The following LRRC56 variants were observed in gnomAD, a reference collection of about 807,000 sequenced individuals.
The protein encoded by LRRC56 is leucine rich repeat containing 56, also known as leucine-rich repeat-containing protein 56.
Under a neutral mutation model 47.8 loss-of-function variants are expected in LRRC56, and 41 were observed. That is an observed-to-expected ratio of 0.86 (90% CI 0.67 to 1.11). LRRC56 has a LOEUF of 1.11. Ranked by LOEUF, LRRC56 falls within the 50% of genes most tolerant of loss-of-function variation. LRRC56 has a pLI of 0.00. For missense variants in LRRC56, 759 were observed against 704.2 expected (o/e 1.08, Z -0.88); for synonymous variants, 387 against 311.2 (o/e 1.24, Z -2.56).
the LRRC56 span, among the ~76,000 whole-genome samples, chr11:523,112 T>A: frequency 1.3e-5 from 2 of 152,000 alleles, no homozygotes; most frequent in Non-Finnish European, 2.9e-5. Flanking sequence ...CACTGCAGCC[T>A]CCACCTCCCA....
intron 1 of LRRC56, 29 bp downstream of exon 1, chr11:537,634 G>A (rs1851580318): frequency 6.6e-6 from 1 of 152,242 alleles, no homozygotes; most frequent in Non-Finnish European, 1.5e-5. Context: ...CTTGGGGTGG[G>A]AGCCGCAAGC....
chr11:508,723 C>T, the LRRC56 span, among the ~76,000 whole-genome samples: 5 of 148,710 alleles, frequency 3.4e-5, no homozygotes, highest in East Asian at 1.0e-3. Flanking sequence ...GCCTAGACCA[C>T]ACCATTGCAC....
the LRRC56 span, among the ~76,000 whole-genome samples, chr11:513,771 G>C: frequency 6.7e-6 from 1 of 148,512 alleles, no homozygotes; most frequent in Non-Finnish European, 1.5e-5. Flanking sequence ...GCAGTGAGCC[G>C]AGATCACGCC....
chr11:537,313 C>G (rs1220043161), upstream of LRRC56: 13 of 152,268 alleles, frequency 8.5e-5, no homozygotes, highest in Admixed American at 8.5e-4. Context: ...GTTGGTGGCG[C>G]GTCACCTTCC....
intron 5 of LRRC56, 88 bp from the exon 6 acceptor site, chr11:544,632 G>A (rs1481772905): frequency 2.1e-5 from 29 of 1,362,656 alleles, no homozygotes; most frequent in Admixed American, 1.4e-4. Flanking sequence ...GTGAGGGGCC[G>A]GGGGTGCTGA....
chr11:534,141 G>T (rs1851307122), upstream of LRRC56: 2 of 1,324,086 alleles, frequency 1.5e-6, no homozygotes, highest in Admixed American at 3.4e-5. Flanking sequence ...GCTGCAGCCA[G>T]CCCTATCCTG....
At chr11:527,324 T>C in the LRRC56 span, among the ~76,000 whole-genome samples, 14 of 152,054 alleles carry the variant, frequency 9.2e-5, no homozygotes, top group Admixed American at 9.2e-4. Flanking sequence ...CAACGTGCCG[T>C]GTGGCACTGT....
At chr11:552,358 G>C (rs182438929) in intron 12 of LRRC56, 126 bp downstream of exon 12, 3 of 1,378,564 alleles carry the variant, frequency 2.2e-6, no homozygotes, top group Non-Finnish European at 3.0e-6. Context: ...GTCCTGTCCC[G>C]TGGGGGGATC....
chr11:550,225 G>A lies in LRRC56; in HGVS notation c.577G>A (p.Glu193Lys). Residue 193 changes from glutamate (E) to lysine (K), a missense_variant, in exon 8 of 14, where the codon GAG becomes AAG. Coordinates refer to ENST00000270115, the MANE Select transcript of LRRC56 (RefSeq NM_198075.4). ...CCCACGCCTGGCCATGCTCACCCTG[G>A]AGGGCAACCTGGTGTGCCTACAGCC... is the stretch of plus-strand genomic sequence containing the variant. ...LCPRLAMLTLEGNLVCLQPAP... is the reference protein window; with the variant it reads ...LCPRLAMLTLKGNLVCLQPAP... 6.2e-7 allele frequency: 1 copy of A among 1,611,792 alleles called. No homozygotes were observed. Among genetic ancestry groups the A allele is most frequent in the South Asian group, 1.1e-5 (1 of 90,986 alleles).
chr11:520,491 G>T, the LRRC56 span, among the ~76,000 whole-genome samples: 4 of 151,884 alleles, frequency 2.6e-5, no homozygotes, highest in African/African-American at 7.3e-5. Context: ...TCATTTTTTT[G>T]TATTTTCAGT....
chr11:534,275 C>T (rs2133994746), upstream of LRRC56: 1 of 1,613,612 alleles, frequency 6.2e-7, no homozygotes, highest in African/African-American at 1.3e-5. Flanking sequence ...TCAGCGCACT[C>T]TTGCCCACAC....
rs1564794695 is a variant in LRRC56 at position 537,607 on chromosome 11, T to G, written c.-422+2T>G. ...CGGACACCTAGGCTGAGCCCTCAGG[T>G]GAGAGCCGAGCGCACCCTTGGGGTG... On this transcript the variant is annotated splice_donor_variant, in intron 1 of 13. Coordinates refer to ENST00000270115, the MANE Select transcript of LRRC56 (RefSeq NM_198075.4). LOFTEE classifies it low-confidence loss of function (5UTR_SPLICE). The G allele has an allele frequency of 6.6e-6, 1 of 152,210 alleles. No homozygotes were observed. The highest frequency in any genetic ancestry group is 1.9e-4 in the East Asian group (1 of 5,166). 9.4% of individuals were successfully genotyped at this position (152,210 alleles called of 1,614,324 possible).
chr11:515,758 AACCTGGGAG>A, the LRRC56 span, among the ~76,000 whole-genome samples: 6 of 152,160 alleles, frequency 3.9e-5, no homozygotes, highest in Non-Finnish European at 8.8e-5. Flanking sequence ...GAATCACTTG[AACCTGGGAG>A]ACAGAGGTTG....
At chr11:546,716 C>T (rs537033241) in intron 6 of LRRC56, among the ~76,000 whole-genome samples, 43 of 152,160 alleles carry the variant, frequency 2.8e-4, no homozygotes, top group African/African-American at 9.4e-4. Context: ...GACGACACCG[C>T]GAACGAGAAA....
chr11:510,489 G>C, the LRRC56 span, among the ~76,000 whole-genome samples: 2 of 152,112 alleles, frequency 1.3e-5, no homozygotes, highest in African/African-American at 4.8e-5. Flanking sequence ...TGTAATCCCA[G>C]CATGTTGGGA....
chr11:552,688 C>A lies in LRRC56; in HGVS notation c.1301C>A (p.Pro434Gln), dbSNP rs756073397. The change falls in exon 13 of 14, where the codon CCA (proline) becomes CAA (glutamine). Residue 434 changes from proline to glutamine, a missense_variant. Physicochemically the swap from Pro to Gln is moderately conservative, Grantham distance 76. Coordinates refer to ENST00000270115, the MANE Select transcript of LRRC56 (RefSeq NM_198075.4). ...GAGCCCAAGACTCCCTCCAGCCCCC[C>A]AAGCCTGGCCTCAGGTACTGAGCCT... ...QAEPKTPSSP[P>Q]SLASEPSGTS... 36 of 1,606,794 alleles carry A rather than the reference C, an allele frequency of 2.2e-5. 2 individuals carry two copies. In the South Asian group the frequency reaches 3.9e-4, roughly 17 times the overall value.
chr11:550,704 A>G (rs1410678947), intron 8 of LRRC56, among the ~76,000 whole-genome samples: 1 of 152,142 alleles, frequency 6.6e-6, no homozygotes, highest in East Asian at 1.9e-4. Context: ...CTGTGCGTGC[A>G]GGCCCTGGCG....
rs116287730 is a variant in LRRC56, at chr11:549,084, C to T, written c.327-818C>T. ...GGACCACCGGGAATGCACCTGAGGG[C>T]CCACAGAAGGAAGCTGAAAACACAG... On this transcript the variant is annotated intron_variant, in intron 6 of 13. Transcript: ENST00000270115. Among the ~76,000 whole-genome samples the T allele has an allele frequency of 2.0e-3, 302 of 152,252 alleles. 3 individuals carry two copies. Among genetic ancestry groups the T allele is most frequent in the African/African-American group, 6.8e-3 (284 of 41,528 alleles).
chr11:514,635 G>A, the LRRC56 span, among the ~76,000 whole-genome samples: 1 of 151,974 alleles, frequency 6.6e-6, no homozygotes, highest in East Asian at 1.9e-4. Flanking sequence ...AGGGTGGTGG[G>A]AGCCCAGTTG....
Sources: gnomAD v4.1 joint callset for allele counts (sites outside exome capture counted in the v4.1 genomes callset) on GRCh38, gnomAD v4.1.1 for gene constraint, MANE v1.5 for transcripts, NCBI Gene and HGNC (gene_info 2026-07-23, HGNC 2026-07-21) for gene names.